The following NDRG4 variants were observed in gnomAD, a reference collection of about 807,000 sequenced individuals.
NDRG4 encodes the protein NDRG family member 4.
A neutral mutation model predicts 55.8 loss-of-function variants in NDRG4; 38 were observed. The observed-to-expected ratio is 0.68, with a 90% confidence interval of 0.53 to 0.89. NDRG4 has a LOEUF of 0.89. Among genes scored for constraint, NDRG4 ranks in the 40% least tolerant of loss-of-function variants. NDRG4 has a pLI of 0.00. For missense variants in NDRG4, 455 were observed against 468.6 expected, an observed-to-expected ratio of 0.97 and a Z score of 0.27; for synonymous variants, 190 against 182.7, an observed-to-expected ratio of 1.04 and a Z score of -0.32.
chr16:58,464,130 G>A lies in NDRG4; in HGVS notation c.-24+333G>A, dbSNP rs1376626051. 3 of 336,086 alleles carry A rather than the reference G, an allele frequency of 8.9e-6. No homozygotes were observed. Among genetic ancestry groups the A allele is most frequent in the Non-Finnish European group, 1.6e-5 (3 of 186,950 alleles). The allele number at this position is 336,086 out of a possible 1,614,324, so 20.8% of individuals were successfully genotyped here. A position where few individuals can be genotyped will look rare whatever the true frequency, so the allele number is the denominator to read the frequency against. ...GCGGGCACGGGGGACCACCTCCCACGGTGTCACCGCACCCACCCCGCGCCC... is the reference window on the plus strand; with the variant it reads ...GCGGGCACGGGGGACCACCTCCCACAGTGTCACCGCACCCACCCCGCGCCC... On this transcript the variant is annotated intron_variant, in intron 1 of 15. Coordinates refer to the NDRG4 transcript ENST00000258187. The surrounding 1 kb of genome is among the most constrained non-coding windows in gnomAD (Gnocchi z 4.8).
chr16:58,487,980 C>T, intron 2 of NDRG4: 1 of 633,236 alleles, frequency 1.6e-6, no homozygotes, highest in Non-Finnish European at 2.4e-6. Context: ...CTGTCCCTGC[C>T]TGTGGGGGGA....
At chr16:58,511,120 G>T (rs1242034328) in intron 14 of NDRG4, 4 of 490,906 alleles carry the variant, frequency 8.1e-6, no homozygotes, top group South Asian at 3.0e-5. Context: ...CTCCTTTACA[G>T]AAACAGTCCT....
chr16:58,464,816 T>G lies in NDRG4; in HGVS notation c.-24+1019T>G. 7.9e-7 allele frequency: 1 copy of G among 1,258,046 alleles called. No homozygotes were observed. The highest frequency in any genetic ancestry group is 1.0e-6 in the Non-Finnish European group (1 of 997,438). The allele number at this position is 1,258,046 out of a possible 1,614,324, so 77.9% of individuals were successfully genotyped here. The stretch of plus-strand genomic sequence containing the variant: ...CCCTAAGAAAGGACCCGTGGGCTTC[T>G]GGCAGGACCCGCGCCATGGACCTCT... On this transcript the variant is annotated intron_variant, in intron 1 of 15. Transcript: ENST00000258187. The surrounding 1 kb of genome is among the most constrained non-coding windows in gnomAD (Gnocchi z 4.8).
chr16:58,511,981 G>A lies in NDRG4; in HGVS notation c.*405G>A, dbSNP rs1311527614. 4.3e-6 allele frequency: 2 copies of A among 461,704 alleles called. No homozygotes were observed. Among genetic ancestry groups the A allele is most frequent in the Non-Finnish European group, 8.7e-6 (2 of 231,104 alleles). The allele number at this position is 461,704 out of a possible 1,614,324, so 28.6% of individuals were successfully genotyped here. A position where few individuals can be genotyped will look rare whatever the true frequency, so the allele number is the denominator to read the frequency against. The stretch of plus-strand genomic sequence containing the variant: ...GGGGTGCGGGGCCAGCTCAGGCACT[G>A]GCGTGGGAGCCCTGGGAGACCCCTT... On this transcript the variant is annotated 3_prime_UTR_variant, in exon 15 of 15. Coordinates refer to ENST00000570248, the MANE Select transcript of NDRG4 (RefSeq NM_001242835.2).
chr16:58,472,036 C>T (rs1249885866), intron 1 of NDRG4, among the ~76,000 whole-genome samples: 2 of 152,152 alleles, frequency 1.3e-5, no homozygotes, highest in Admixed American at 6.5e-5. Context: ...ATATTGGCCA[C>T]TTGGTGTTCT....
At chr16:58,469,565 GA>G (rs2032368705) in intron 1 of NDRG4, among the ~76,000 whole-genome samples, 1 of 152,062 alleles carries the variant, frequency 6.6e-6, no homozygotes, top group African/African-American at 2.4e-5. Context: ...ATTGTTTATA[GA>G]AGCAAAAAAG....
chr16:58,503,318 A>G (rs2037402651), intron 1 of NDRG4, among the ~76,000 whole-genome samples: 1 of 152,090 alleles, frequency 6.6e-6, no homozygotes, highest in Non-Finnish European at 1.5e-5. Context: ...AGCCAGGGGC[A>G]GTGCCGGGGT....
In NDRG4 at chr16:58,500,274, G is replaced by A; in HGVS notation, c.21+5G>A. The A allele has an allele frequency of 6.5e-7, 1 of 1,535,944 alleles. No individual in the cohort carries two copies. Among genetic ancestry groups the A allele is most frequent in the Non-Finnish European group, 8.7e-7 (1 of 1,146,860 alleles). On this transcript the variant is annotated splice_donor_5th_base_variant and intron_variant, in intron 1 of 14. Transcript: ENST00000570248. ...ATGCCGGAGTGCTGGGATGGGGTGA[G>A]TGAGGGCGCTGCGGGCATCAAGGTG...
intron 1 of NDRG4, among the ~76,000 whole-genome samples, chr16:58,465,570 T>TGGGGGGGGG (rs2031452154): frequency 2.9e-5 from 1 of 34,120 alleles, no homozygotes; most frequent in Non-Finnish European, 5.8e-5. Flanking sequence ...GGCTAGAAGG[T>TGGGGGGGGG]GGGGGTGGGG....
rs1322411153 is a variant in NDRG4 at position 58,511,510 on chromosome 16, C to T, written c.993C>T (p.Ala331=). The change falls in exon 15 of 15, where the codon GCC becomes GCT. Residue 331 remains alanine (A), a synonymous_variant. Transcript: ENST00000570248. The part of the protein sequence containing the change: ...ASSVDGSRPQ[A]CTHSESSEGL... Reference sequence around the variant, plus strand: ...CGGTGGATGGCAGCCGCCCACAGGCCTGCACCCACTCAGAGAGCAGCGAGG... The same window carrying T: ...CGGTGGATGGCAGCCGCCCACAGGCTTGCACCCACTCAGAGAGCAGCGAGG... The T allele has an allele frequency of 1.2e-6, 2 of 1,613,034 alleles. No individual in the cohort carries two copies. The highest frequency in any genetic ancestry group is 8.5e-7 in the Non-Finnish European group (1 of 1,179,960).
intron 10 of NDRG4, 58 bp from the exon 11 acceptor site, chr16:58,508,904 T>TG: frequency 6.3e-7 from 1 of 1,594,180 alleles, no homozygotes; most frequent in Non-Finnish European, 8.6e-7. Context: ...AAACCTGCCT[T>TG]GGCAATGGGG....
chr16:58,464,581 C>T lies in NDRG4; in HGVS notation c.-24+784C>T, dbSNP rs918089217. On this transcript the variant is annotated intron_variant, in intron 1 of 15. Transcript: ENST00000258187. The surrounding 1 kb of genome is among the most constrained non-coding windows in gnomAD (Gnocchi z 4.8). ...TCTGAGCAGGAAGGGGTGCGGACCC[C>T]AACTAAGTCCTAGTTTTGTGCTACC... 40 of 1,029,196 alleles carry T rather than the reference C, an allele frequency of 3.9e-5. No individual in the cohort carries two copies. The highest frequency in any genetic ancestry group is 5.0e-5 in the Non-Finnish European group (39 of 786,310). 63.8% of individuals were successfully genotyped at this position (1,029,196 alleles called of 1,614,324 possible).
chr16:58,494,330 C>CGGAAA (rs2036145981), intron 2 of NDRG4, among the ~76,000 whole-genome samples: 3 of 152,140 alleles, frequency 2.0e-5, no homozygotes, highest in Non-Finnish European at 2.9e-5. Flanking sequence ...TCCCTCTTTC[C>CGGAAA]CCCTCACTGT....
chr16:58,490,340 A>G (rs1370024862), intron 2 of NDRG4, among the ~76,000 whole-genome samples: 6 of 152,160 alleles, frequency 3.9e-5, no homozygotes, highest in Non-Finnish European at 8.8e-5. Context: ...AATGGGGAGA[A>G]CTAGGGCATC....
At chr16:58,486,719 A>T (rs1291018780) in intron 1 of NDRG4, among the ~76,000 whole-genome samples, 2 of 139,944 alleles carry the variant, frequency 1.4e-5, no homozygotes, top group Non-Finnish European at 3.3e-5. Context: ...ACACACACAC[A>T]CACACACACA....
intron 10 of NDRG4, among the ~76,000 whole-genome samples, chr16:58,508,554 C>T (rs2038354537): frequency 6.6e-6 from 1 of 152,146 alleles, no homozygotes; most frequent in African/African-American, 2.4e-5. Context: ...CAGGCTTTCC[C>T]ATGCCCACTG....
At chr16:58,478,766 T>C (rs2151620285) in intron 1 of NDRG4, among the ~76,000 whole-genome samples, 1 of 150,604 alleles carries the variant, frequency 6.6e-6, no homozygotes, top group East Asian at 2.0e-4. Flanking sequence ...GGGGAAAGTA[T>C]TATGTCTTCA....
At chr16:58,506,246 G>A in intron 5 of NDRG4, 141 bp from the exon 6 acceptor site, 1 of 781,522 alleles carries the variant, frequency 1.3e-6, no homozygotes, top group South Asian at 1.4e-5. Flanking sequence ...GACAGGCAGG[G>A]GCATCTGGAC....
intron 2 of NDRG4, 66 bp downstream of exon 2, chr16:58,503,969 C>G (rs752854778): frequency 1.1e-5 from 18 of 1,574,288 alleles, no homozygotes; most frequent in Middle Eastern, 1.7e-4. Context: ...TGAGGCCCCC[C>G]ACCCTCCCCA....
Sources: gnomAD v4.1 joint callset for allele counts (sites outside exome capture counted in the v4.1 genomes callset) on GRCh38, gnomAD v4.1.1 for gene constraint, Gnocchi (gnomAD v3.1) non-coding constraint, MANE v1.5 for transcripts, NCBI Gene and HGNC (gene_info 2026-07-23, HGNC 2026-07-21) for gene names.